SUFU: variants seen among roughly 807,000 people sequenced by gnomAD.
SUFU encodes suppressor of fused homolog.
In SUFU, 7 loss-of-function variants were observed where a neutral mutation model predicts 58.9. That is an observed-to-expected ratio of 0.12 (90% CI 0.07 to 0.22). SUFU has a LOEUF of 0.22. SUFU is among the 10% of genes least tolerant of loss of function. The pLI is 1.00. For synonymous variants in SUFU, 232 were observed against 254.8 expected, an observed-to-expected ratio of 0.91 and a Z score of 0.85; for missense variants, 451 against 641.3, an observed-to-expected ratio of 0.70 and a Z score of 3.20.
At chr10:102,536,331 A>G (rs890076695) in intron 2 of SUFU, among the ~76,000 whole-genome samples, 1 of 148,738 alleles carries the variant, frequency 6.7e-6, no homozygotes, top group South Asian at 2.2e-4. Context: ...AACAAAAATT[A>G]TACTGTAGTA....
chr10:102,577,080 CTTTTCT>C (rs1181618148), intron 3 of SUFU, among the ~76,000 whole-genome samples: 3 of 97,086 alleles, frequency 3.1e-5, no homozygotes, highest in South Asian at 3.2e-4. Flanking sequence ...TGGATTTTTT[CTTTTCT>C]TTTTTTTTTT....
intron 6 of SUFU, among the ~76,000 whole-genome samples, chr10:102,595,454 C>G (rs2063451204): frequency 6.6e-6 from 1 of 152,172 alleles, no homozygotes; most frequent in Non-Finnish European, 1.5e-5. Context: ...TTCCCTAAGC[C>G]CTTGTTCTGT....
Position 102,625,375 on chromosome 10 carries a change from G to A in SUFU, c.1297-1800G>A, listed in dbSNP as rs72845807. ...TAGCTCCTAGAACAGAGAGTTTGGT[G>A]AGGAGACGTGGACCAGTGGTCAGAG... On this transcript the variant is annotated intron_variant, in intron 10 of 11. Coordinates refer to ENST00000369902, the MANE Select transcript of SUFU (RefSeq NM_016169.4). The surrounding 1 kb of genome is among the most constrained non-coding windows in gnomAD (Gnocchi z 4.7). 0.21 allele frequency among the ~76,000 whole-genome samples: 32,681 copies of A among 152,136 alleles called. 3,783 individuals carry two copies. The highest frequency in any genetic ancestry group is 0.33 in the South Asian group (1,609 of 4,814).
At chr10:102,575,456 G>A (rs2063204280) in intron 3 of SUFU, among the ~76,000 whole-genome samples, 1 of 152,156 alleles carries the variant, frequency 6.6e-6, no homozygotes, top group African/African-American at 2.4e-5. Flanking sequence ...AGAGTCCCAG[G>A]GACATCACAT....
At chr10:102,541,322 T>G (rs2062796588) in intron 2 of SUFU, among the ~76,000 whole-genome samples, 1 of 152,190 alleles carries the variant, frequency 6.6e-6, no homozygotes, top group African/African-American at 2.4e-5. Context: ...TCATTCATTT[T>G]TGGTTTATCC....
At chr10:102,597,697 A>T (rs549199836) in intron 7 of SUFU, among the ~76,000 whole-genome samples, 6 of 152,272 alleles carry the variant, frequency 3.9e-5, no homozygotes, top group Non-Finnish European at 8.8e-5. Flanking sequence ...GCCAGATCCA[A>T]GGATCACTCT....
intron 3 of SUFU, among the ~76,000 whole-genome samples, chr10:102,558,492 C>A (rs1020321457): frequency 6.6e-6 from 1 of 152,178 alleles, no homozygotes; most frequent in Non-Finnish European, 1.5e-5. Flanking sequence ...ACTACACATG[C>A]GAGCCACTGC....
chr10:102,568,520 T>C (rs2063117194), intron 3 of SUFU, among the ~76,000 whole-genome samples: 1 of 152,154 alleles, frequency 6.6e-6, no homozygotes, highest in Non-Finnish European at 1.5e-5. Context: ...TACTAAGTAC[T>C]GTATATATTA....
At chr10:102,583,389 G>A (rs2098804952) in intron 3 of SUFU, among the ~76,000 whole-genome samples, 1 of 152,086 alleles carries the variant, frequency 6.6e-6, no homozygotes, top group Admixed American at 6.6e-5. Context: ...AGTACCTTTG[G>A]CCAAAGCCTG....
chr10:102,619,531 G>C lies in SUFU; in HGVS notation c.1296+2103G>C. On this transcript the variant is annotated intron_variant, in intron 10 of 11. Transcript: ENST00000369902. The surrounding 1 kb of genome is among the most constrained non-coding windows in gnomAD (Gnocchi z 4.2). ...GGGCCGGCTCACAGGAGAGCTCCTG[G>C]GAAGGCTGGCGGAGGCCCCACACCC... 1 of 1,099,798 alleles carries C rather than the reference G, an allele frequency of 9.1e-7. No individual in the cohort carries two copies. Among genetic ancestry groups the C allele is most frequent in the Non-Finnish European group, 1.1e-6 (1 of 899,606 alleles). 68.1% of individuals were successfully genotyped at this position (1,099,798 alleles called of 1,614,324 possible).
At chr10:102,590,520 T>C (rs955501762) in intron 3 of SUFU, among the ~76,000 whole-genome samples, 2 of 152,120 alleles carry the variant, frequency 1.3e-5, no homozygotes. Flanking sequence ...TTGTTGAGGA[T>C]TTTTGTTTGT....
chr10:102,517,367 G>A (rs1399482978), intron 2 of SUFU, among the ~76,000 whole-genome samples: 1 of 152,006 alleles, frequency 6.6e-6, no homozygotes, highest in African/African-American at 2.4e-5. Flanking sequence ...CCAGGCCAGA[G>A]TGGTGCCAGG....
chr10:102,619,031 T>C lies in SUFU; in HGVS notation c.1296+1603T>C, dbSNP rs1218313271. On this transcript the variant is annotated intron_variant, in intron 10 of 11. Transcript: ENST00000369902. This position sits in a 1 kb window ranked among gnomAD's most constrained non-coding sequence, Gnocchi z 4.2. ...AGTCGGGACTGGGGCCTCCCCAAACTGCAGAATCTACCCAGTTATGTTTGA... is the reference window on the plus strand; with the variant it reads ...AGTCGGGACTGGGGCCTCCCCAAACCGCAGAATCTACCCAGTTATGTTTGA... The C allele has an allele frequency of 6.3e-7, 1 of 1,592,370 alleles. No individual in the cohort carries two copies. The highest frequency in any genetic ancestry group is 1.4e-5 in the African/African-American group (1 of 73,140).
chr10:102,626,221 G>T (rs2063785356), intron 10 of SUFU, among the ~76,000 whole-genome samples: 1 of 152,150 alleles, frequency 6.6e-6, no homozygotes, highest in South Asian at 2.1e-4. Flanking sequence ...GCGTGGTGGG[G>T]TGCAGACCTG....
In SUFU at chr10:102,630,905, C is replaced by CG. The variant is rs1254672051; in HGVS notation, c.*754dup. The CG allele has an allele frequency of 4.3e-6, 1 of 235,172 alleles. No individual in the cohort carries two copies. Among genetic ancestry groups the CG allele is most frequent in the Non-Finnish European group, 8.4e-6 (1 of 119,544 alleles). 14.6% of individuals were successfully genotyped at this position (235,172 alleles called of 1,614,324 possible). A position where few individuals can be genotyped will look rare whatever the true frequency, so the allele number is the denominator to read the frequency against. On this transcript the variant is annotated 3_prime_UTR_variant, in exon 12 of 12. Coordinates refer to ENST00000369902, the MANE Select transcript of SUFU (RefSeq NM_016169.4). ...CTTCCCAGCTGGGCCTGGTGGAGCC[C>CG]GGGGCAGGGGGAGAGTAGAGACACT...
intron 6 of SUFU, among the ~76,000 whole-genome samples, chr10:102,594,585 T>C (rs2063441438): frequency 6.6e-6 from 1 of 152,224 alleles, no homozygotes; most frequent in South Asian, 2.1e-4. Context: ...CTGGAAAGAT[T>C]GGCACCTTAG....
rs1382595195 is a variant in SUFU, at chr10:102,629,906, C to G, written c.1366-160C>G. On this transcript the variant is annotated intron_variant, in intron 11 of 11. Coordinates refer to ENST00000369902, the MANE Select transcript of SUFU (RefSeq NM_016169.4). The surrounding 1 kb of genome is among the most constrained non-coding windows in gnomAD (Gnocchi z 4.7). ...GTCACCAACTCCAGCCGTTTGAGCC[C>G]AGCCTGCCACCTGGGTCTAGCATTT... is the stretch of plus-strand genomic sequence containing the variant. 6.6e-6 allele frequency among the ~76,000 whole-genome samples: 1 copy of G among 152,194 alleles called. No homozygotes were observed. Among genetic ancestry groups the G allele is most frequent in the Non-Finnish European group, 1.5e-5 (1 of 68,026 alleles).
rs564277659 is a variant in SUFU, at chr10:102,572,745, G to A, written c.455-19837G>A. On this transcript the variant is annotated intron_variant, in intron 3 of 11. Coordinates refer to ENST00000369902, the MANE Select transcript of SUFU (RefSeq NM_016169.4). Reference sequence around the variant, plus strand: ...ATATACATATATTTAGAATTACCCAGCTGGACTCAGTTTAAATGATCCCAA... The same window carrying A: ...ATATACATATATTTAGAATTACCCAACTGGACTCAGTTTAAATGATCCCAA... 2.7e-4 allele frequency: 197 copies of A among 741,326 alleles called. No individual in the cohort carries two copies. The African/African-American group carries it at 2.8e-3, about 10-fold the overall frequency. The allele number at this position is 741,326 out of a possible 1,614,324, so 45.9% of individuals were successfully genotyped here. A position where few individuals can be genotyped will look rare whatever the true frequency, so the allele number is the denominator to read the frequency against.
In SUFU at chr10:102,555,321, C is replaced by CT. The variant is rs201258969; in HGVS notation, c.454+5231dup. On this transcript the variant is annotated intron_variant, in intron 3 of 11. Transcript: ENST00000369902. ...TATGGATCAAGATGGACACCTTGGT[C>CT]TTTTTTTTTTTTTTTTCCTCAATGA... Among the ~76,000 whole-genome samples, 643 of 124,032 alleles carry CT rather than the reference C, an allele frequency of 5.2e-3. 7 individuals are homozygous for CT. Among genetic ancestry groups the CT allele is most frequent in the African/African-American group, 0.015 (521 of 34,502 alleles). The allele number at this position is 124,032 out of a possible 152,430, so 81.4% of individuals were successfully genotyped here. A position where few individuals can be genotyped will look rare whatever the true frequency, so the allele number is the denominator to read the frequency against.
Sources: allele counts gnomAD v4.1 joint callset (sites outside exome capture counted in the v4.1 genomes callset), GRCh38; gene constraint gnomAD v4.1.1; non-coding constraint Gnocchi (gnomAD v3.1); transcripts MANE v1.5; gene names NCBI Gene and HGNC (gene_info 2026-07-23, HGNC 2026-07-21).